NT5DC3: variants seen among roughly 807,000 people sequenced by gnomAD.
NT5DC3 encodes the protein 5'-nucleotidase domain containing 3.
A neutral mutation model predicts 67.8 loss-of-function variants in NT5DC3; 42 were observed. That is an observed-to-expected ratio of 0.62 (90% CI 0.48 to 0.80). The LOEUF (loss-of-function observed/expected upper bound fraction) is 0.80, where lower values mean the gene tolerates loss of function less well. Among genes scored for constraint, NT5DC3 ranks in the 30% least tolerant of loss-of-function variants. The pLI is 0.00. For synonymous variants in NT5DC3, 237 were observed against 255.6 expected, an observed-to-expected ratio of 0.93 and a Z score of 0.69; for missense variants, 570 against 696.4, an observed-to-expected ratio of 0.82 and a Z score of 2.04.
the NT5DC3 span, among the ~76,000 whole-genome samples, chr12:103,749,340 C>T: frequency 1.3e-5 from 2 of 152,160 alleles, no homozygotes; most frequent in Non-Finnish European, 2.9e-5. Context: ...AGAAAAAGGA[C>T]GTCCATGGAA....
intron 12 of NT5DC3, 129 bp downstream of exon 12, chr12:103,785,206 G>T: frequency 1.2e-6 from 1 of 842,784 alleles, no homozygotes; most frequent in Non-Finnish European, 1.9e-6. Context: ...AACCCCAATC[G>T]TTATTCTACA....
chr12:103,765,005 T>G, the NT5DC3 span, among the ~76,000 whole-genome samples: 1 of 146,884 alleles, frequency 6.8e-6, no homozygotes, highest in Non-Finnish European at 1.5e-5. Flanking sequence ...ACAGAATCGC[T>G]TGAACTGGGA....
chr12:103,790,691 C>T (rs989668635), intron 9 of NT5DC3, among the ~76,000 whole-genome samples: 1 of 119,056 alleles, frequency 8.4e-6, no homozygotes, highest in African/African-American at 3.0e-5. Context: ...GGCCCAAGTA[C>T]ATCTTTTTTT....
rs537790664 is a variant in NT5DC3 at position 103,804,743 on chromosome 12, C to T, written c.524+1579G>A. ...TTGTACAAGAAAGAAAATAATCGCACGGCACTACCTGGCTTAAGAGTGACC... is the reference window on the plus strand; with the variant it reads ...TTGTACAAGAAAGAAAATAATCGCATGGCACTACCTGGCTTAAGAGTGACC... On this transcript the variant is annotated intron_variant, in intron 4 of 13. Coordinates refer to ENST00000392876, the MANE Select transcript of NT5DC3 (RefSeq NM_001031701.3). 3.9e-5 allele frequency among the ~76,000 whole-genome samples: 6 copies of T among 152,260 alleles called. No homozygotes were observed. The South Asian group carries it at 1.0e-3, about 26-fold the overall frequency.
At chr12:103,835,321 C>T (rs927204194) in intron 1 of NT5DC3, among the ~76,000 whole-genome samples, 2 of 152,192 alleles carry the variant, frequency 1.3e-5, no homozygotes, top group Admixed American at 6.5e-5. Context: ...TCATGAATGA[C>T]CCCACATTCT....
At chr12:103,767,904 A>C (rs530306269), downstream of NT5DC3, among the ~76,000 whole-genome samples, 64 of 151,692 alleles carry the variant, frequency 4.2e-4, no homozygotes, top group African/African-American at 1.5e-3. Context: ...AACATGGTGA[A>C]ACCCCGTCTC....
intron 1 of NT5DC3, among the ~76,000 whole-genome samples, chr12:103,818,534 C>T (rs566763580): frequency 6.6e-6 from 1 of 152,192 alleles, no homozygotes; most frequent in South Asian, 2.1e-4. Context: ...CACCACCACG[C>T]CTGGCTAATT....
intron 2 of NT5DC3, 92 bp downstream of exon 2, chr12:103,814,845 C>G: frequency 1.2e-6 from 1 of 857,356 alleles, no homozygotes; most frequent in Non-Finnish European, 1.7e-6. Context: ...TATTAAATGA[C>G]TTCTCTGTGG....
At chr12:103,817,486 T>A (rs190403370) in intron 1 of NT5DC3, among the ~76,000 whole-genome samples, 1 of 152,246 alleles carries the variant, frequency 6.6e-6, no homozygotes, top group African/African-American at 2.4e-5. Flanking sequence ...ACCTGAACTG[T>A]CCATATTTTA....
At chr12:103,755,164 G>T in the NT5DC3 span, 3 of 1,182,300 alleles carry the variant, frequency 2.5e-6, no homozygotes, top group Non-Finnish European at 2.4e-6. Flanking sequence ...CACCTACTGT[G>T]TGCCAGGCAC....
intron 1 of NT5DC3, among the ~76,000 whole-genome samples, chr12:103,815,555 G>A (rs1200296024): frequency 6.6e-6 from 1 of 152,108 alleles, no homozygotes; most frequent in Non-Finnish European, 1.5e-5. Context: ...CTGAGTTGCT[G>A]GGACTACAGG....
chr12:103,831,079 G>A (rs1887904237), intron 1 of NT5DC3, among the ~76,000 whole-genome samples: 1 of 152,122 alleles, frequency 6.6e-6, no homozygotes, highest in Non-Finnish European at 1.5e-5. Context: ...ATTGTGATAT[G>A]GTTTGGCTCT....
chr12:103,769,118 A>C (rs138983874), downstream of NT5DC3, among the ~76,000 whole-genome samples: 345 of 151,960 alleles, frequency 2.3e-3, 5 homozygotes, highest in African/African-American at 8.0e-3. Flanking sequence ...CTTCCCCCCA[A>C]CACACACACA....
chr12:103,753,392 T>C, the NT5DC3 span: 6 of 1,613,752 alleles, frequency 3.7e-6, no homozygotes, highest in South Asian at 5.5e-5. Context: ...AGACAGAGTC[T>C]GCAGGGGCGG....
chr12:103,827,840 T>C (rs1176543653), intron 1 of NT5DC3, among the ~76,000 whole-genome samples: 2 of 152,370 alleles, frequency 1.3e-5, no homozygotes, highest in East Asian at 1.9e-4. Context: ...TAAGTACTTA[T>C]TTGCAAAGAA....
chr12:103,817,678 C>A (rs900180772), intron 1 of NT5DC3, among the ~76,000 whole-genome samples: 2 of 152,178 alleles, frequency 1.3e-5, no homozygotes, highest in South Asian at 4.1e-4. Context: ...ACTAGAGATG[C>A]ATGGAAATTA....
At chr12:103,791,206 C>T (rs1362405820) in intron 9 of NT5DC3, among the ~76,000 whole-genome samples, 1 of 152,110 alleles carries the variant, frequency 6.6e-6, no homozygotes, top group East Asian at 1.9e-4. Flanking sequence ...AGACACCCTG[C>T]CTGCGCCATC....
Position 103,791,606 on chromosome 12 carries a change from C to T in NT5DC3, c.1019+1558G>A, listed in dbSNP as rs549116029. On this transcript the variant is annotated intron_variant, in intron 9 of 13. Coordinates refer to ENST00000392876, the MANE Select transcript of NT5DC3 (RefSeq NM_001031701.3). ...TGGTGGACACACCTAGGTAGAACATCCCTTTCTCTCCTGTCTGCCAGAGCA... is the reference window on the plus strand; with the variant it reads ...TGGTGGACACACCTAGGTAGAACATTCCTTTCTCTCCTGTCTGCCAGAGCA... Among the ~76,000 whole-genome samples, 6 of 152,322 alleles carry T rather than the reference C, an allele frequency of 3.9e-5. No individual in the cohort carries two copies. The South Asian group carries it at 6.2e-4, about 16-fold the overall frequency.
chr12:103,790,694 C>CTTTT (rs67812943), intron 9 of NT5DC3, among the ~76,000 whole-genome samples: 42 of 74,414 alleles, frequency 5.6e-4, no homozygotes, highest in Non-Finnish European at 7.8e-4. Flanking sequence ...CCAAGTACAT[C>CTTTT]TTTTTTTTTT....
Sources: allele counts gnomAD v4.1 joint callset (sites outside exome capture counted in the v4.1 genomes callset), GRCh38; gene constraint gnomAD v4.1.1; transcripts MANE v1.5; gene names NCBI Gene and HGNC (gene_info 2026-07-23, HGNC 2026-07-21).